RPS6KA5: variants seen among roughly 807,000 people sequenced by gnomAD.
The protein encoded by RPS6KA5 is ribosomal protein S6 kinase alpha-5.
RPS6KA5 carries 27 observed loss-of-function variants against 85.5 expected under a neutral mutation model. The observed-to-expected ratio is 0.32, with a 90% confidence interval of 0.23 to 0.44. The LOEUF is 0.44. RPS6KA5 is among the 20% of genes least tolerant of loss of function. RPS6KA5 has a pLI of 1.00. For synonymous variants in RPS6KA5, 334 were observed against 348.2 expected (o/e 0.96, Z 0.46); for missense variants, 811 against 980.9 (o/e 0.83, Z 2.31).
chr14:90,959,380 T>TA (rs1230370595), intron 3 of RPS6KA5, among the ~76,000 whole-genome samples: 3 of 152,200 alleles, frequency 2.0e-5, no homozygotes, highest in Non-Finnish European at 4.4e-5. Context: ...TGACTCTGGC[T>TA]ACTGTATTGA....
chr14:91,023,768 A>G (rs1566877036), intron 1 of RPS6KA5, among the ~76,000 whole-genome samples: 1 of 151,696 alleles, frequency 6.6e-6, no homozygotes, highest in Non-Finnish European at 1.5e-5. Flanking sequence ...TCCGTTTATA[A>G]TTTATTTTAT....
intron 1 of RPS6KA5, 80 bp from the exon 2 acceptor site, chr14:91,001,239 G>A (rs967265163): frequency 4.9e-6 from 4 of 819,798 alleles, no homozygotes; most frequent in Admixed American, 2.3e-5. Flanking sequence ...GTGTACCAGC[G>A]ACGCTCTATT....
chr14:90,903,016 G>A, intron 8 of RPS6KA5, 47 bp from the exon 9 acceptor site: 1 of 1,514,862 alleles, frequency 6.6e-7, no homozygotes, highest in Non-Finnish European at 9.1e-7. Context: ...TAGTCAAAAT[G>A]TACTTTCTAA....
intron 6 of RPS6KA5, among the ~76,000 whole-genome samples, chr14:90,921,769 C>A (rs1044674377): frequency 2.6e-5 from 4 of 152,018 alleles, no homozygotes; most frequent in African/African-American, 9.7e-5. Flanking sequence ...AGGAAGGAGA[C>A]CAAAGATTCT....
intron 3 of RPS6KA5, among the ~76,000 whole-genome samples, chr14:90,971,849 C>A (rs1402939917): frequency 2.6e-5 from 4 of 152,134 alleles, no homozygotes; most frequent in Non-Finnish European, 5.9e-5. Flanking sequence ...AGAAAGAAAA[C>A]CCATATACAC....
chr14:91,052,501 AT>A (rs2043131264), intron 1 of RPS6KA5: 1 of 238,064 alleles, frequency 4.2e-6, no homozygotes, highest in African/African-American at 2.5e-5. Context: ...TACTTAAGAG[AT>A]TGTAAATATG....
At chr14:91,032,482 A>G (rs1253335449) in intron 1 of RPS6KA5, among the ~76,000 whole-genome samples, 1 of 152,182 alleles carries the variant, frequency 6.6e-6, no homozygotes, top group African/African-American at 2.4e-5. Context: ...CCTCCCCACA[A>G]AGCACACTAT....
chr14:91,055,985 C>T (rs572135731), intron 1 of RPS6KA5, among the ~76,000 whole-genome samples: 1 of 152,280 alleles, frequency 6.6e-6, no homozygotes, highest in East Asian at 1.9e-4. Context: ...GACTGCAGTC[C>T]TGGCCAACAC....
At chr14:91,041,038 C>T (rs2042589441) in intron 1 of RPS6KA5, among the ~76,000 whole-genome samples, 1 of 152,132 alleles carries the variant, frequency 6.6e-6, no homozygotes, top group African/African-American at 2.4e-5. Flanking sequence ...ATAGAAATAA[C>T]TAGAGGGCGA....
At chr14:91,052,380 A>AATGGCG in intron 1 of RPS6KA5, 1 of 401,928 alleles carries the variant, frequency 2.5e-6, no homozygotes, top group South Asian at 1.8e-5. Context: ...AGGCAGGAGA[A>AATGGCG]TCACTTGAAC....
At chr14:90,873,898 T>G in intron 15 of RPS6KA5, 103 bp from the exon 16 acceptor site, 1 of 959,014 alleles carries the variant, frequency 1.0e-6, no homozygotes, top group Non-Finnish European at 1.6e-6. Flanking sequence ...CATAATGGTT[T>G]CTATATAGCT....
At position 90,862,458 on chromosome 14, in the gene RPS6KA5, T is replaced by TCCTC. The variant is rs1566662313; in HGVS notation, c.*9615_*9616insGAGG. ...TCCTCCTCCTCCTCCTCCTCCTCCTTCTTCTTCTTCTTCTTCTTCTTTTTT... is the reference window on the plus strand; with the variant it reads ...TCCTCCTCCTCCTCCTCCTCCTCCTTCCTCCTTCTTCTTCTTCTTCTTCTTTTTT... On this transcript the variant is annotated 3_prime_UTR_variant, in exon 17 of 17. Coordinates refer to ENST00000614987, the MANE Select transcript of RPS6KA5 (RefSeq NM_004755.4). 3,979 of 113,932 alleles carry TCCTC rather than the reference T, an allele frequency of 0.035. 75 individuals are homozygous for TCCTC. Among genetic ancestry groups the TCCTC allele is most frequent in the Non-Finnish European group, 0.046 (2,247 of 49,276 alleles). 7.1% of individuals were successfully genotyped at this position (113,932 alleles called of 1,614,324 possible).
intron 1 of RPS6KA5, among the ~76,000 whole-genome samples, chr14:91,047,279 T>C (rs578236693): frequency 1.1e-4 from 16 of 152,146 alleles, no homozygotes; most frequent in Non-Finnish European, 2.2e-4. Flanking sequence ...TAAGACTCAA[T>C]ATGCATGCCA....
chr14:91,013,422 C>G (rs2041344097), intron 1 of RPS6KA5, among the ~76,000 whole-genome samples: 1 of 151,910 alleles, frequency 6.6e-6, no homozygotes, highest in Non-Finnish European at 1.5e-5. Flanking sequence ...CTCAGCCCAT[C>G]TGAAGGTTTG....
intron 3 of RPS6KA5, among the ~76,000 whole-genome samples, chr14:90,955,882 T>A (rs2038477600): frequency 6.6e-6 from 1 of 152,232 alleles, no homozygotes; most frequent in Non-Finnish European, 1.5e-5. Context: ...ATTTTGGATC[T>A]ATGTTGTTAG....
intron 1 of RPS6KA5, among the ~76,000 whole-genome samples, chr14:91,019,940 A>G (rs949062615): frequency 1.3e-5 from 2 of 152,256 alleles, no homozygotes; most frequent in African/African-American, 4.8e-5. Flanking sequence ...TAGATGGTAC[A>G]GCCTACTATA....
At chr14:90,928,295 A>T (rs1296636022) in intron 5 of RPS6KA5, among the ~76,000 whole-genome samples, 1 of 152,140 alleles carries the variant, frequency 6.6e-6, no homozygotes, top group East Asian at 1.9e-4. Context: ...AGCTATTTTT[A>T]AAAATTCACA....
rs1332442406 is a variant in RPS6KA5 at position 90,852,710 on chromosome 14, C to G, written c.*19364G>C. The stretch of plus-strand genomic sequence containing the variant: ...TTAAACAAAAATAAATTCCAGTTAG[C>G]CTTTGCTGGGAGAAACTTTTTTTTT... On this transcript the variant is annotated 3_prime_UTR_variant, in exon 17 of 17. Coordinates refer to ENST00000614987, the MANE Select transcript of RPS6KA5 (RefSeq NM_004755.4). 1 of 149,156 alleles carries G rather than the reference C, an allele frequency of 6.7e-6. No homozygotes were observed. Among genetic ancestry groups the G allele is most frequent in the Non-Finnish European group, 1.5e-5 (1 of 67,732 alleles). The allele number at this position is 149,156 out of a possible 1,614,324, so 9.2% of individuals were successfully genotyped here.
intron 12 of RPS6KA5, among the ~76,000 whole-genome samples, chr14:90,896,963 TCCA>T (rs937628244): frequency 7.2e-5 from 11 of 152,152 alleles, no homozygotes; most frequent in African/African-American, 2.7e-4. Flanking sequence ...CCTCAAGTGA[TCCA>T]CCTGCCTCAC....
Sources: gnomAD v4.1 joint callset for allele counts (sites outside exome capture counted in the v4.1 genomes callset) on GRCh38, gnomAD v4.1.1 for gene constraint, MANE v1.5 for transcripts, NCBI Gene and HGNC (gene_info 2026-07-23, HGNC 2026-07-21) for gene names.